Variants in MPPED1 observed in about 807,000 individuals in gnomAD.
MPPED1 encodes metallophosphoesterase domain-containing protein 1.
MPPED1 carries 16 observed loss-of-function variants against 36.2 expected under a neutral mutation model. The ratio of observed to expected loss-of-function variants is 0.44; its 90% CI spans 0.30 to 0.67. MPPED1 has a LOEUF of 0.67. Among genes scored for constraint, MPPED1 ranks in the 30% least tolerant of loss-of-function variants. The probability of loss-of-function intolerance (pLI) is 0.10; values close to 1 mark genes in which losing one functional copy is unlikely to be tolerated. For synonymous variants in MPPED1, 199 were observed against 191.3 expected, an observed-to-expected ratio of 1.04 and a Z score of -0.33; for missense variants, 307 against 453.4, an observed-to-expected ratio of 0.68 and a Z score of 2.93.
chr22:43,466,460 T>C (rs776700424), intron 3 of MPPED1, among the ~76,000 whole-genome samples: 6 of 152,220 alleles, frequency 3.9e-5, no homozygotes, highest in African/African-American at 1.4e-4. Context: ...GGCTGTGCTA[T>C]ACATTGCAGC....
chr22:43,425,889 G>A (rs1025557590), intron 2 of MPPED1, among the ~76,000 whole-genome samples: 9 of 152,232 alleles, frequency 5.9e-5, no homozygotes, highest in Admixed American at 1.3e-4. Flanking sequence ...CAAGGCCCCC[G>A]TGAGCAGCAG....
chr22:43,473,460 G>A lies in MPPED1; in HGVS notation c.407-1276G>A, dbSNP rs111972057. ...TCCTGTCTGGGTCCCCATCCACCCC[G>A]AGGCCCCTGTGCTGTGCTGGCGTCT... On this transcript the variant is annotated intron_variant, in intron 3 of 6. Transcript: ENST00000443721. Among the ~76,000 whole-genome samples the A allele has an allele frequency of 4.0e-3, 614 of 152,304 alleles. 2 individuals carry two copies. Among genetic ancestry groups the A allele is most frequent in the Middle Eastern group, 0.014 (4 of 294 alleles).
At chr22:43,486,679 C>T (rs1471309397) in intron 4 of MPPED1, among the ~76,000 whole-genome samples, 3 of 152,082 alleles carry the variant, frequency 2.0e-5, no homozygotes, top group African/African-American at 7.2e-5. Flanking sequence ...GCCACCCCAG[C>T]AGGCAGCAGA....
At chr22:43,436,145 C>T (rs897121782) in intron 3 of MPPED1, among the ~76,000 whole-genome samples, 1 of 152,216 alleles carries the variant, frequency 6.6e-6, no homozygotes, top group Non-Finnish European at 1.5e-5. Context: ...TAGGGGACCC[C>T]CTGGGAAAAC....
rs547094153 is a variant in MPPED1, at chr22:43,459,508, T to C, written c.407-15228T>C. 5.9e-5 allele frequency among the ~76,000 whole-genome samples: 9 copies of C among 152,358 alleles called. No homozygotes were observed. In the East Asian group the frequency reaches 1.7e-3, roughly 29 times the overall value. ...CAGGTCTCTGAGGCTCTGTTCATTT[T>C]TCTTCATTCTTTTTCCTTTCTGTTC... On this transcript the variant is annotated intron_variant, in intron 3 of 6. Transcript: ENST00000443721.
At chr22:43,412,760 G>A (rs1928950402) in intron 1 of MPPED1, among the ~76,000 whole-genome samples, 1 of 152,214 alleles carries the variant, frequency 6.6e-6, no homozygotes, top group South Asian at 2.1e-4. Flanking sequence ...GGATTCAGTG[G>A]CTACCTAGAC....
intron 3 of MPPED1, among the ~76,000 whole-genome samples, chr22:43,453,044 G>C (rs1010249018): frequency 6.6e-6 from 1 of 151,360 alleles, no homozygotes; most frequent in Non-Finnish European, 1.5e-5. Flanking sequence ...CCGCCTCCTG[G>C]GTTCAAGTGA....
At chr22:43,424,878 C>T (rs1929403987) in intron 1 of MPPED1, 30 bp from the exon 2 acceptor site, 1 of 1,491,634 alleles carries the variant, frequency 6.7e-7, no homozygotes, top group East Asian at 2.5e-5. Flanking sequence ...AACAGATTAA[C>T]TGTCGCACGG....
intron 4 of MPPED1, among the ~76,000 whole-genome samples, chr22:43,483,270 C>A (rs781112426): frequency 1.3e-5 from 2 of 152,260 alleles, no homozygotes; most frequent in Non-Finnish European, 2.9e-5. Context: ...GGGGCCGAGT[C>A]CTGGGAGTGG....
chr22:43,490,974 C>T (rs150980659), intron 4 of MPPED1, among the ~76,000 whole-genome samples: 5,570 of 140,130 alleles, frequency 0.04, 138 homozygotes, highest in Admixed American at 0.075. Flanking sequence ...CACTAGGAAC[C>T]GCGGAAGGAA....
Position 43,412,174 on chromosome 22 carries a change from G to A in MPPED1, c.-79+16G>A. 1.0e-6 allele frequency: 1 copy of A among 978,922 alleles called. No individual in the cohort carries two copies. The highest frequency in any genetic ancestry group is 1.2e-6 in the Non-Finnish European group (1 of 826,620). 60.6% of individuals were successfully genotyped at this position (978,922 alleles called of 1,614,324 possible). A position where few individuals can be genotyped will look rare whatever the true frequency, so the allele number is the denominator to read the frequency against. On this transcript the variant is annotated intron_variant, in intron 1 of 6. Transcript: ENST00000443721. ...CCGGGGCCAGGTAGGACCGGAGGCG[G>A]GCGGGGCGCGGCGGGCGCGGGCGGG...
intron 3 of MPPED1, 62 bp downstream of exon 3, chr22:43,435,277 C>T: frequency 4.0e-6 from 6 of 1,516,744 alleles, no homozygotes; most frequent in Non-Finnish European, 5.3e-6. Flanking sequence ...CCCGCCAGCT[C>T]CCGAGGCTGC....
intron 1 of MPPED1, among the ~76,000 whole-genome samples, chr22:43,421,356 T>C (rs1449488208): frequency 6.6e-6 from 1 of 152,258 alleles, no homozygotes; most frequent in Non-Finnish European, 1.5e-5. Flanking sequence ...ACCCCCTTTA[T>C]GTGAAATGCA....
chr22:43,445,403 T>C (rs894705487), intron 3 of MPPED1, among the ~76,000 whole-genome samples: 2 of 152,194 alleles, frequency 1.3e-5, no homozygotes, highest in Admixed American at 1.3e-4. Flanking sequence ...TTTTGATTTG[T>C]TTAGTAGTTA....
chr22:43,502,595 G>C lies in MPPED1; in HGVS notation c.749-49G>C. The C allele has an allele frequency of 2.0e-6, 3 of 1,486,320 alleles. No homozygotes were observed. The highest frequency in any genetic ancestry group is 2.8e-6 in the Non-Finnish European group (3 of 1,067,060). 92.1% of individuals were successfully genotyped at this position (1,486,320 alleles called of 1,614,324 possible). A position where few individuals can be genotyped will look rare whatever the true frequency, so the allele number is the denominator to read the frequency against. The stretch of plus-strand genomic sequence containing the variant: ...CTGCTGCTAGGCGTGGGGCAGTGAG[G>C]GGCTGGGACAGACCGCGTCATGGCC... On this transcript the variant is annotated intron_variant, in intron 5 of 6. Transcript: ENST00000443721. This position sits in a 1 kb window ranked among gnomAD's most constrained non-coding sequence, Gnocchi z 5.5.
chr22:43,459,510 C>T (rs893880753), intron 3 of MPPED1, among the ~76,000 whole-genome samples: 2 of 152,194 alleles, frequency 1.3e-5, no homozygotes, highest in African/African-American at 2.4e-5. Flanking sequence ...GTTCATTTTT[C>T]TTCATTCTTT....
chr22:43,488,021 C>T (rs1292755777), intron 4 of MPPED1, among the ~76,000 whole-genome samples: 1 of 152,134 alleles, frequency 6.6e-6, no homozygotes, highest in African/African-American at 2.4e-5. Context: ...GGCTGTGTCA[C>T]GTGGGTACCT....
chr22:43,447,546 C>T (rs968755169), intron 3 of MPPED1, among the ~76,000 whole-genome samples: 7 of 151,904 alleles, frequency 4.6e-5, no homozygotes, highest in Non-Finnish European at 7.4e-5. Flanking sequence ...TGTCAGAAGC[C>T]CGGGGACTAG....
At chr22:43,460,270 C>CG (rs1221695738) in intron 3 of MPPED1, among the ~76,000 whole-genome samples, 1 of 147,704 alleles carries the variant, frequency 6.8e-6, no homozygotes, top group Non-Finnish European at 1.5e-5. Context: ...CAAACCCCCC[C>CG]CCCCAAACCC....
Sources: allele counts gnomAD v4.1 joint callset (sites outside exome capture counted in the v4.1 genomes callset), GRCh38; gene constraint gnomAD v4.1.1; non-coding constraint Gnocchi (gnomAD v3.1); transcripts MANE v1.5; gene names NCBI Gene and HGNC (gene_info 2026-07-23, HGNC 2026-07-21).